CFAP70: variants seen among roughly 807,000 people sequenced by gnomAD.
The protein encoded by CFAP70 is cilia and flagella associated protein 70.
In CFAP70, 81 loss-of-function variants were observed where a neutral mutation model predicts 137.6. The ratio of observed to expected loss-of-function variants is 0.59; its 90% CI spans 0.49 to 0.71. CFAP70 has a LOEUF of 0.71. Ranked by LOEUF, CFAP70 falls within the 30% of genes least tolerant of loss-of-function variation. The probability of loss-of-function intolerance (pLI) is 0.00; values close to 1 mark genes in which losing one functional copy is unlikely to be tolerated. For synonymous variants in CFAP70, 382 were observed against 423.6 expected, an observed-to-expected ratio of 0.90 and a Z score of 1.20; for missense variants, 976 against 1,226.7, an observed-to-expected ratio of 0.80 and a Z score of 3.05.
At chr10:73,314,211 A>G (rs2050156884) in intron 9 of CFAP70, among the ~76,000 whole-genome samples, 1 of 152,214 alleles carries the variant, frequency 6.6e-6, no homozygotes, top group South Asian at 2.1e-4. Context: ...TTTGGGGGGT[A>G]ATGTGTGTAT....
intron 9 of CFAP70, among the ~76,000 whole-genome samples, chr10:73,319,090 A>C (rs1157214394): frequency 6.6e-6 from 1 of 152,256 alleles, no homozygotes; most frequent in East Asian, 1.9e-4. Context: ...AGTAACTTAA[A>C]CAAGAAGGTA....
At chr10:73,353,432 T>G in intron 3 of CFAP70, 124 bp downstream of exon 3, 1 of 891,084 alleles carries the variant, frequency 1.1e-6, no homozygotes, top group East Asian at 2.5e-5. Flanking sequence ...ACAAAGGAAC[T>G]GTCCTTTCTT....
chr10:73,312,083 CAACT>C (rs1301047693), intron 10 of CFAP70, among the ~76,000 whole-genome samples, 169 bp from the exon 12 acceptor site: 1 of 152,124 alleles, frequency 6.6e-6, no homozygotes, highest in African/African-American at 2.4e-5. Context: ...TCATTCTCAG[CAACT>C]AACACAGGAA....
chr10:73,339,409 G>A (rs1041413425), intron 6 of CFAP70, among the ~76,000 whole-genome samples: 1 of 152,170 alleles, frequency 6.6e-6, no homozygotes, highest in Non-Finnish European at 1.5e-5. Flanking sequence ...TGTAACAAAG[G>A]TGACGACTGT....
chr10:73,293,162 AC>A (rs2048298998), intron 16 of CFAP70, 100 bp downstream of exon 17: 1 of 1,323,292 alleles, frequency 7.6e-7, no homozygotes, highest in African/African-American at 1.5e-5. Context: ...CTATGTGTCT[AC>A]CCTTTCACCA....
chr10:73,351,044 T>C (rs951334596), intron 3 of CFAP70, among the ~76,000 whole-genome samples: 2 of 81,232 alleles, frequency 2.5e-5, no homozygotes, highest in Non-Finnish European at 4.3e-5. Flanking sequence ...TGTGTGTATA[T>C]ATGTGTGTGT....
chr10:73,346,302 C>G (rs2053700676), intron 4 of CFAP70, among the ~76,000 whole-genome samples: 1 of 152,086 alleles, frequency 6.6e-6, no homozygotes, highest in African/African-American at 2.4e-5. Context: ...GTGTATACCT[C>G]TGACATTTTC....
At chr10:73,293,107 T>C (rs1254008182) in intron 16 of CFAP70, among the ~76,000 whole-genome samples, 156 bp downstream of exon 17, 1 of 152,230 alleles carries the variant, frequency 6.6e-6, no homozygotes, top group Non-Finnish European at 1.5e-5. Flanking sequence ...TTGTCAAAAA[T>C]TGAATGACCT....
Position 73,329,016 on chromosome 10 carries a change from T to G in CFAP70, c.777+2161A>C, listed in dbSNP as rs1432159023. Among the ~76,000 whole-genome samples, 213 of 151,678 alleles carry G rather than the reference T, an allele frequency of 1.4e-3. 3 individuals are homozygous for G. The highest frequency in any genetic ancestry group is 2.8e-4 in the Non-Finnish European group (19 of 67,940). On this transcript the variant is annotated intron_variant, in intron 8 of 26. Coordinates refer to ENST00000310715, the Ensembl canonical transcript of CFAP70. ...TATATACCCAAAGGACTATAAATCATGCTGCTATAAAGACACATGCACACA... is the reference window on the plus strand; with the variant it reads ...TATATACCCAAAGGACTATAAATCAGGCTGCTATAAAGACACATGCACACA...
At chr10:73,278,455 G>T in intron 19 of CFAP70, 118 bp from the exon 21 acceptor site, 1 of 774,200 alleles carries the variant, frequency 1.3e-6, no homozygotes. Flanking sequence ...TTTCATGAAG[G>T]ACAGACTTGT....
At chr10:73,299,547 C>CA (rs2048786240) in intron 13 of CFAP70, 58 bp downstream of exon 14, 39 of 1,372,750 alleles carry the variant, frequency 2.8e-5, no homozygotes, top group Non-Finnish European at 3.8e-5. Context: ...ATGCAATTAA[C>CA]AAGTGCATGC....
At chr10:73,293,808 T>G (rs914695836) in intron 15 of CFAP70, 1 of 153,046 alleles carries the variant, frequency 6.5e-6, no homozygotes, top group African/African-American at 2.4e-5. Flanking sequence ...TCTTTAAATG[T>G]GAAGAAAACA....
chr10:73,323,113 CA>C lies in CFAP70; in HGVS notation c.778-17del. 1 of 1,600,190 alleles carries C rather than the reference CA, an allele frequency of 6.2e-7. No individual in the cohort carries two copies. ...CTTCATCAGTCTAAAGGAATAAAAC[CA>C]GAGAGTTGTTAGTGCTATAAGCAAT... On this transcript the variant is annotated splice_polypyrimidine_tract_variant and intron_variant, in intron 8 of 26. Transcript: ENST00000310715.
At chr10:73,310,247 T>C (rs1367518589) in exon 12 of CFAP70, 21 of 1,605,946 alleles carry the variant, frequency 1.3e-5, no homozygotes, top group Non-Finnish European at 1.6e-5. Flanking sequence ...CTTCTACATA[T>C]TGCTGTAAAG....
intron 25 of CFAP70, among the ~76,000 whole-genome samples, chr10:73,265,336 A>T (rs1053145789): frequency 1.7e-4 from 25 of 149,656 alleles, no homozygotes; most frequent in Admixed American, 1.1e-3. Flanking sequence ...AAAAAAAAAA[A>T]GAAGAAGAAG....
At chr10:73,272,461 A>G (rs1457704564) in intron 24 of CFAP70, among the ~76,000 whole-genome samples, 2 of 152,228 alleles carry the variant, frequency 1.3e-5, no homozygotes, top group Non-Finnish European at 2.9e-5. Flanking sequence ...GCCTCTTTGA[A>G]GACTGGAGGA....
chr10:73,302,777 C>T (rs1478808525), intron 12 of CFAP70, among the ~76,000 whole-genome samples: 2 of 152,072 alleles, frequency 1.3e-5, no homozygotes, highest in East Asian at 3.8e-4. Context: ...TATACAGTGA[C>T]ATAGATTTAG....
intron 25 of CFAP70, among the ~76,000 whole-genome samples, chr10:73,262,016 GTATATAT>G (rs2045280284): frequency 7.8e-5 from 11 of 141,824 alleles, no homozygotes; most frequent in African/African-American, 2.4e-4. Flanking sequence ...ATGTATATAT[GTATATAT>G]TATATATGTA....
At chr10:73,360,182 T>C (rs2132616117), upstream of CFAP70, among the ~76,000 whole-genome samples, 1 of 152,290 alleles carries the variant, frequency 6.6e-6, no homozygotes, top group East Asian at 1.9e-4. Flanking sequence ...CCAATATTGA[T>C]TTCCTGATGT....
Sources: gnomAD v4.1 joint callset for allele counts (sites outside exome capture counted in the v4.1 genomes callset) on GRCh38, gnomAD v4.1.1 for gene constraint, MANE v1.5 for transcripts, NCBI Gene and HGNC (gene_info 2026-07-23, HGNC 2026-07-21) for gene names.